Variants in NDUFAF4 observed in about 807,000 individuals in gnomAD.
The protein encoded by NDUFAF4 is NADH dehydrogenase [ubiquinone] 1 alpha subcomplex assembly factor 4.
Under a neutral mutation model 15.6 loss-of-function variants are expected in NDUFAF4, and 10 were observed. That is an observed-to-expected ratio of 0.64 (90% CI 0.40 to 1.09). The LOEUF (loss-of-function observed/expected upper bound fraction) is 1.09, where lower values mean the gene tolerates loss of function less well. Among genes scored for constraint, NDUFAF4 ranks in the 50% least tolerant of loss-of-function variants. The pLI is 0.01. For missense variants in NDUFAF4, 203 were observed against 207.3 expected (o/e 0.98, Z 0.13); for synonymous variants, 77 against 73.3 (o/e 1.05, Z -0.26).
chr6:96,895,346 A>G (rs142704115), intron 2 of NDUFAF4, among the ~76,000 whole-genome samples: 2,355 of 152,332 alleles, frequency 0.015, 49 homozygotes, highest in African/African-American at 0.044. Context: ...CAGACAACAA[A>G]TAAATTATTT....
intron 2 of NDUFAF4, among the ~76,000 whole-genome samples, chr6:96,893,680 A>G (rs1210068838): frequency 6.6e-6 from 1 of 152,040 alleles, no homozygotes; most frequent in Admixed American, 6.6e-5. Context: ...AAAATAAATA[A>G]TTATTTGACA....
At chr6:96,896,960 T>A in intron 1 of NDUFAF4, 113 bp from the exon 2 acceptor site, 1 of 817,128 alleles carries the variant, frequency 1.2e-6, no homozygotes, top group Non-Finnish European at 2.0e-6. Flanking sequence ...GGAGTCTCGC[T>A]CTGTTGCCCA....
intron 1 of NDUFAF4, 117 bp downstream of exon 1, chr6:96,897,549 C>A: frequency 7.0e-7 from 1 of 1,432,352 alleles, no homozygotes; most frequent in Non-Finnish European, 9.5e-7. Context: ...CCAACCCGAG[C>A]GGCTGCGGCC....
intron 2 of NDUFAF4, 30 bp from the exon 3 acceptor site, chr6:96,891,421 G>A: frequency 1.3e-6 from 2 of 1,582,508 alleles, no homozygotes; most frequent in Non-Finnish European, 1.7e-6. Flanking sequence ...GTTTTAGGAT[G>A]AGAGAAAAGA....
intron 1 of NDUFAF4, 91 bp downstream of exon 1, chr6:96,897,575 G>C: frequency 6.4e-7 from 1 of 1,561,328 alleles, no homozygotes; most frequent in Non-Finnish European, 8.7e-7. Flanking sequence ...GGCTGACGCC[G>C]ATCCCTCGGC....
At chr6:96,896,542 A>G (rs1775375553) in intron 2 of NDUFAF4, among the ~76,000 whole-genome samples, 1 of 152,262 alleles carries the variant, frequency 6.6e-6, no homozygotes, top group Non-Finnish European at 1.5e-5. Context: ...AAGTTATTTT[A>G]GAATTCTGGT....
Position 96,897,816 on chromosome 6 carries a change from A to C in NDUFAF4, c.-15T>G. 14 of 1,613,988 alleles carry C rather than the reference A, an allele frequency of 8.7e-6. No homozygotes were observed. Among genetic ancestry groups the C allele is most frequent in the Non-Finnish European group, 1.2e-5 (14 of 1,179,904 alleles). On this transcript the variant is annotated 5_prime_UTR_variant, in exon 1 of 3. Transcript: ENST00000316149. ...AGTGCTCCCATCTCCTCATAACATTATGCGCTCAGGTTCAGGCCGCACGTG... is the reference window on the plus strand; with the variant it reads ...AGTGCTCCCATCTCCTCATAACATTCTGCGCTCAGGTTCAGGCCGCACGTG...
rs1376056611 is a variant in NDUFAF4, at chr6:96,897,832, G to A, written c.-31C>T. Reference sequence around the variant, plus strand: ...CATAACATTATGCGCTCAGGTTCAGGCCGCACGTGGGAACACCGGCGCAGG... The same window carrying A: ...CATAACATTATGCGCTCAGGTTCAGACCGCACGTGGGAACACCGGCGCAGG... On this transcript the variant is annotated 5_prime_UTR_variant, in exon 1 of 3. Transcript: ENST00000316149. 4 of 1,613,676 alleles carry A rather than the reference G, an allele frequency of 2.5e-6. No homozygotes were observed. Among genetic ancestry groups the A allele is most frequent in the Middle Eastern group, 1.6e-4 (1 of 6,084 alleles).
At chr6:96,892,255 A>G (rs1775325477) in intron 2 of NDUFAF4, among the ~76,000 whole-genome samples, 1 of 152,056 alleles carries the variant, frequency 6.6e-6, no homozygotes. Context: ...AACGCCTCCA[A>G]TACACTCCAG....
At position 96,889,820 on chromosome 6, in the gene NDUFAF4, G is replaced by GA. The variant is rs1775290225; in HGVS notation, c.*1283dup. On this transcript the variant is annotated 3_prime_UTR_variant, in exon 3 of 3. Transcript: ENST00000316149. Reference sequence around the variant, plus strand: ...AGGTGTGCTGCTTTTTGGCAAGACAGAAAAAACACACTACTAGGATTTGAA... The same window carrying GA: ...AGGTGTGCTGCTTTTTGGCAAGACAGAAAAAAACACACTACTAGGATTTGAA... 1 of 152,040 alleles carries GA rather than the reference G, an allele frequency of 6.6e-6. No homozygotes were observed. Among genetic ancestry groups the GA allele is most frequent in the Admixed American group, 6.6e-5 (1 of 15,250 alleles). 9.4% of individuals were successfully genotyped at this position (152,040 alleles called of 1,614,324 possible).
chr6:96,894,749 T>A (rs1341082511), intron 2 of NDUFAF4, among the ~76,000 whole-genome samples: 1 of 152,216 alleles, frequency 6.6e-6, no homozygotes, highest in Non-Finnish European at 1.5e-5. Flanking sequence ...ACGTTCCCTT[T>A]ACCACTCAAA....
At chr6:96,892,646 G>A (rs1775329102) in intron 2 of NDUFAF4, among the ~76,000 whole-genome samples, 1 of 152,048 alleles carries the variant, frequency 6.6e-6, no homozygotes, top group South Asian at 2.1e-4. Context: ...TGACACTGCT[G>A]ACCACTCCAA....
In NDUFAF4 at chr6:96,897,866, G is replaced by A. The variant is rs1463385663; in HGVS notation, c.-65C>T. The A allele has an allele frequency of 2.5e-6, 4 of 1,610,452 alleles. No homozygotes were observed. Among genetic ancestry groups the A allele is most frequent in the Admixed American group, 3.3e-5 (2 of 59,958 alleles). On this transcript the variant is annotated 5_prime_UTR_variant, in exon 1 of 3. Coordinates refer to ENST00000316149, the MANE Select transcript of NDUFAF4 (RefSeq NM_014165.4). Reference sequence around the variant, plus strand: ...GGGAACACCGGCGCAGGACAACTCCGGGACACCCGGAGCATGCGCACAAGT... The same window carrying A: ...GGGAACACCGGCGCAGGACAACTCCAGGACACCCGGAGCATGCGCACAAGT...
intron 2 of NDUFAF4, among the ~76,000 whole-genome samples, chr6:96,896,431 T>C (rs1168826850): frequency 6.6e-6 from 1 of 152,242 alleles, no homozygotes; most frequent in African/African-American, 2.4e-5. Context: ...TCTGCTTTTG[T>C]CACTCAAATG....
chr6:96,890,298 T>C lies in NDUFAF4; in HGVS notation c.*806A>G, dbSNP rs970935960. On this transcript the variant is annotated 3_prime_UTR_variant, in exon 3 of 3. Transcript: ENST00000316149. ...CCAAATTTCATCTACCATGGTTTTT[T>C]AATTATTCTTTAAATTTTTCTCTAT... is the stretch of plus-strand genomic sequence containing the variant. 1 of 152,154 alleles carries C rather than the reference T, an allele frequency of 6.6e-6. No homozygotes were observed. The highest frequency in any genetic ancestry group is 2.4e-5 in the African/African-American group (1 of 41,444). 9.4% of individuals were successfully genotyped at this position (152,154 alleles called of 1,614,324 possible).
chr6:96,890,174 A>G lies in NDUFAF4; in HGVS notation c.*930T>C, dbSNP rs1191032389. ...ATTTGCTAAAATGGATGAAATGGCA[A>G]TTTCTCAGGTCCCTTCCAATGATCC... is the stretch of plus-strand genomic sequence containing the variant. On this transcript the variant is annotated 3_prime_UTR_variant, in exon 3 of 3. Coordinates refer to ENST00000316149, the MANE Select transcript of NDUFAF4 (RefSeq NM_014165.4). The G allele has an allele frequency of 3.9e-5, 6 of 152,134 alleles. No homozygotes were observed. The highest frequency in any genetic ancestry group is 1.9e-4 in the East Asian group (1 of 5,194). 9.4% of individuals were successfully genotyped at this position (152,134 alleles called of 1,614,324 possible).
At chr6:96,891,853 C>T (rs1428707972) in intron 2 of NDUFAF4, among the ~76,000 whole-genome samples, 1 of 152,028 alleles carries the variant, frequency 6.6e-6, no homozygotes, top group Non-Finnish European at 1.5e-5. Context: ...TATTTCTTTA[C>T]ATCAGTGCAA....
rs777538344 is a variant in NDUFAF4, at chr6:96,891,085, G to C, written c.*19C>G. On this transcript the variant is annotated 3_prime_UTR_variant, in exon 3 of 3. Transcript: ENST00000316149. The stretch of plus-strand genomic sequence containing the variant: ...CAGGAGGGATGAGGAGTACACATAG[G>C]AAATTTCTGTGATTTTCTTCATTTT... The C allele has an allele frequency of 1.9e-6, 3 of 1,608,422 alleles. No individual in the cohort carries two copies. The African/African-American group carries it at 4.0e-5, about 22-fold the overall frequency.
At chr6:96,891,870 A>T (rs1022610141) in intron 2 of NDUFAF4, among the ~76,000 whole-genome samples, 7 of 152,038 alleles carry the variant, frequency 4.6e-5, no homozygotes, top group African/African-American at 1.7e-4. Flanking sequence ...GCAAGAATGG[A>T]TTAACACAAA....
Sources: allele counts gnomAD v4.1 joint callset (sites outside exome capture counted in the v4.1 genomes callset), GRCh38; gene constraint gnomAD v4.1.1; transcripts MANE v1.5; gene names NCBI Gene and HGNC (gene_info 2026-07-23, HGNC 2026-07-21).